ACO1: variants seen among roughly 807,000 people sequenced by gnomAD.
ACO1 encodes the protein cytoplasmic aconitate hydratase.
ACO1 carries 78 observed loss-of-function variants against 105.1 expected under a neutral mutation model. The observed-to-expected ratio is 0.74, with a 90% CI of 0.62 to 0.90. The LOEUF (loss-of-function observed/expected upper bound fraction) is 0.90, where lower values mean the gene tolerates loss of function less well. Among genes scored for constraint, ACO1 ranks in the 40% least tolerant of loss-of-function variants. The pLI is 0.00. For missense variants in ACO1, 965 were observed against 1,111.1 expected (o/e 0.87, Z 1.87); for synonymous variants, 364 against 397.4 (o/e 0.92, Z 1.00).
intron 4 of ACO1, among the ~76,000 whole-genome samples, chr9:32,412,697 C>A (rs540487906): frequency 2.0e-5 from 3 of 152,122 alleles, no homozygotes; most frequent in Non-Finnish European, 4.4e-5. Context: ...TTCCTTTTTT[C>A]CTAAATCACG....
In ACO1 at chr9:32,451,508, A is replaced by C. The variant is rs952642816; in HGVS notation, c.*1397A>C. On this transcript the variant is annotated 3_prime_UTR_variant, in exon 21 of 21. Transcript: ENST00000309951. ...AATGCCTAAGAACCTGGGGAGGGGC[A>C]TGGGGAATGCTGGTATAAGTCCCAG... 2.0e-5 allele frequency: 3 copies of C among 152,260 alleles called. No individual in the cohort carries two copies. Among genetic ancestry groups the C allele is most frequent in the Admixed American group, 6.5e-5 (1 of 15,284 alleles). The allele number at this position is 152,260 out of a possible 1,614,324, so 9.4% of individuals were successfully genotyped here.
intron 1 of ACO1, among the ~76,000 whole-genome samples, chr9:32,401,989 A>C (rs1286227678): frequency 6.6e-6 from 1 of 152,214 alleles, no homozygotes; most frequent in Admixed American, 6.5e-5. Flanking sequence ...TGTGAACTAC[A>C]TGTAATGAAG....
chr9:32,429,033 C>G (rs1822165942), intron 12 of ACO1, among the ~76,000 whole-genome samples: 1 of 152,130 alleles, frequency 6.6e-6, no homozygotes, highest in Non-Finnish European at 1.5e-5. Flanking sequence ...TGAATGTATT[C>G]GTTGCCAAAT....
At chr9:32,396,584 G>C (rs919200159) in intron 1 of ACO1, among the ~76,000 whole-genome samples, 9 of 152,274 alleles carry the variant, frequency 5.9e-5, no homozygotes, top group Non-Finnish European at 1.2e-4. Flanking sequence ...GGATTGCACA[G>C]TGGCTGAACA....
intron 1 of ACO1, among the ~76,000 whole-genome samples, chr9:32,397,871 C>CT (rs1821404917): frequency 6.6e-6 from 1 of 152,090 alleles, no homozygotes; most frequent in Admixed American, 6.6e-5. Context: ...TCTTAGGTGT[C>CT]TTTAGATAGC....
intron 10 of ACO1, 66 bp downstream of exon 10, chr9:32,424,731 A>C: frequency 9.2e-7 from 1 of 1,086,414 alleles, no homozygotes. Flanking sequence ...CTCAGCGTCC[A>C]GGCTTTCATC....
chr9:32,407,725 A>G (rs1821647026), intron 3 of ACO1, among the ~76,000 whole-genome samples: 1 of 152,132 alleles, frequency 6.6e-6, no homozygotes, highest in African/African-American at 2.4e-5. Flanking sequence ...GGAAAGGTCA[A>G]AGAAATAGCA....
At chr9:32,441,432 A>C (rs1822477393) in intron 19 of ACO1, among the ~76,000 whole-genome samples, 1 of 152,188 alleles carries the variant, frequency 6.6e-6, no homozygotes, top group African/African-American at 2.4e-5. Flanking sequence ...CATATCCACA[A>C]GTACAGTAAA....
chr9:32,396,719 T>C (rs1010203305), intron 1 of ACO1, among the ~76,000 whole-genome samples: 2 of 152,190 alleles, frequency 1.3e-5, no homozygotes, highest in South Asian at 4.1e-4. Flanking sequence ...ATTTATTTGT[T>C]TAGTCTGTCT....
intron 4 of ACO1, among the ~76,000 whole-genome samples, chr9:32,412,612 A>G (rs1485930396): frequency 6.6e-6 from 1 of 152,244 alleles, no homozygotes; most frequent in Admixed American, 6.5e-5. Context: ...TACTTGGAAC[A>G]GACCATGTAC....
intron 1 of ACO1, among the ~76,000 whole-genome samples, chr9:32,404,688 T>G (rs1821568480): frequency 6.6e-6 from 1 of 152,162 alleles, no homozygotes; most frequent in South Asian, 2.1e-4. Context: ...CCTGGAGGCA[T>G]TTTGATTGTG....
At chr9:32,405,244 C>T (rs1299836347) in intron 1 of ACO1, among the ~76,000 whole-genome samples, 1 of 152,206 alleles carries the variant, frequency 6.6e-6, no homozygotes, top group Non-Finnish European at 1.5e-5. Context: ...CAGGCTGCTT[C>T]TCAATCAACT....
intron 19 of ACO1, among the ~76,000 whole-genome samples, chr9:32,444,274 A>T (rs974051892): frequency 6.6e-6 from 1 of 152,196 alleles, no homozygotes; most frequent in African/African-American, 2.4e-5. Context: ...GAACAATGCC[A>T]CAATAAACAT....
chr9:32,390,080 G>T (rs558002332), intron 1 of ACO1, among the ~76,000 whole-genome samples: 2 of 152,354 alleles, frequency 1.3e-5, no homozygotes, highest in Non-Finnish European at 2.9e-5. Flanking sequence ...TTACAGGCAT[G>T]AGCCACTGCG....
intron 1 of ACO1, among the ~76,000 whole-genome samples, chr9:32,404,717 G>T (rs991516295): frequency 6.6e-6 from 1 of 152,128 alleles, no homozygotes; most frequent in South Asian, 2.1e-4. Context: ...TTTAGAATGT[G>T]CCCTCCCTTT....
chr9:32,434,287 G>A (rs1301823903), intron 16 of ACO1, among the ~76,000 whole-genome samples: 2 of 152,230 alleles, frequency 1.3e-5, no homozygotes, highest in Non-Finnish European at 2.9e-5. Flanking sequence ...GATGTGAAGA[G>A]AGAGAATGTC....
At position 32,418,111 on chromosome 9, in the gene ACO1, AT is replaced by A; in HGVS notation, c.405-12del. 6.2e-7 allele frequency: 1 copy of A among 1,612,426 alleles called. No individual in the cohort carries two copies. The highest frequency in any genetic ancestry group is 8.5e-7 in the Non-Finnish European group (1 of 1,178,860). ...TTAAGTCTCAAATTGTATACATTTA[AT>A]TTTTCTCTCTGACAGGGCAGACAGT... On this transcript the variant is annotated splice_polypyrimidine_tract_variant and intron_variant, in intron 4 of 20. Coordinates refer to ENST00000309951, the MANE Select transcript of ACO1 (RefSeq NM_002197.3).
intron 2 of ACO1, among the ~76,000 whole-genome samples, chr9:32,406,131 A>G (rs954144147): frequency 3.3e-5 from 5 of 152,116 alleles, no homozygotes; most frequent in Non-Finnish European, 5.9e-5. Flanking sequence ...ATATTGTTTT[A>G]TTTTAGGAAC....
At chr9:32,415,189 G>A (rs1373998060) in intron 4 of ACO1, among the ~76,000 whole-genome samples, 1 of 152,174 alleles carries the variant, frequency 6.6e-6, no homozygotes, top group East Asian at 1.9e-4. Flanking sequence ...GGATGGCTGA[G>A]GTCAGGTTGA....
Sources: gnomAD v4.1 joint callset for allele counts (sites outside exome capture counted in the v4.1 genomes callset) on GRCh38, gnomAD v4.1.1 for gene constraint, MANE v1.5 for transcripts, NCBI Gene and HGNC (gene_info 2026-07-23, HGNC 2026-07-21) for gene names.